Variants in MICU1 observed in about 807,000 individuals in gnomAD.
The protein encoded by MICU1 is mitochondrial calcium uptake 1, also known as calcium uptake protein 1, mitochondrial.
In MICU1, 45 loss-of-function variants were observed where a neutral mutation model predicts 56.8. The ratio of observed to expected loss-of-function variants is 0.79; its 90% CI spans 0.62 to 1.02. The LOEUF is 1.02. Among genes scored for constraint, MICU1 ranks in the 50% least tolerant of loss-of-function variants. MICU1 has a pLI of 0.00. For missense variants in MICU1, 504 were observed against 587.1 expected (o/e 0.86, Z 1.46); for synonymous variants, 186 against 195.1 (o/e 0.95, Z 0.39).
chr10:72,472,215 T>G (rs1444908403), intron 8 of MICU1, among the ~76,000 whole-genome samples: 2 of 152,180 alleles, frequency 1.3e-5, no homozygotes, highest in Non-Finnish European at 2.9e-5. Context: ...AGTACTGTGG[T>G]TATTCTGAAG....
intron 8 of MICU1, among the ~76,000 whole-genome samples, chr10:72,468,151 A>G (rs371914256): frequency 1.3e-5 from 2 of 152,110 alleles, no homozygotes; most frequent in African/African-American, 4.8e-5. Flanking sequence ...TAACAATTTT[A>G]TTGGTTATTT....
intron 11 of MICU1, among the ~76,000 whole-genome samples, chr10:72,369,560 G>GAGAT (rs1285156491): frequency 6.6e-6 from 1 of 152,136 alleles, no homozygotes; most frequent in African/African-American, 2.4e-5. Context: ...CTGTAATGGA[G>GAGAT]AGATGGTGAG....
chr10:72,491,772 A>G (rs1174221008), intron 6 of MICU1, among the ~76,000 whole-genome samples: 2 of 152,208 alleles, frequency 1.3e-5, no homozygotes, highest in African/African-American at 2.4e-5. Flanking sequence ...TTTCTTCATT[A>G]TAAGAATCTA....
At chr10:72,466,578 T>A (rs1024382891) in intron 8 of MICU1, among the ~76,000 whole-genome samples, 1 of 152,214 alleles carries the variant, frequency 6.6e-6, no homozygotes, top group East Asian at 1.9e-4. Flanking sequence ...TATCATTTTG[T>A]TTCTTGGATT....
intron 1 of MICU1, among the ~76,000 whole-genome samples, chr10:72,568,135 G>A (rs1840492439): frequency 6.6e-6 from 1 of 151,982 alleles, no homozygotes; most frequent in Non-Finnish European, 1.5e-5. Flanking sequence ...CTGCTTTGAA[G>A]TTTTTATTAA....
intron 5 of MICU1, chr10:72,531,804 C>T (rs907970802): frequency 5.3e-5 from 8 of 151,196 alleles, no homozygotes; most frequent in Non-Finnish European, 8.8e-5. Flanking sequence ...AAGCGAAAGA[C>T]TTCATACATA....
chr10:72,412,978 C>G (rs1219244112), intron 9 of MICU1, among the ~76,000 whole-genome samples: 2 of 152,080 alleles, frequency 1.3e-5, no homozygotes, highest in Admixed American at 1.3e-4. Flanking sequence ...GGGCAGATCA[C>G]TTGAGCCTGG....
chr10:72,369,606 C>T (rs1035367192), intron 11 of MICU1, among the ~76,000 whole-genome samples: 35 of 151,828 alleles, frequency 2.3e-4, no homozygotes, highest in African/African-American at 8.5e-4. Context: ...CAAACTTTGG[C>T]TTTGGATTGA....
chr10:72,455,948 C>T (rs1035444833), intron 8 of MICU1, among the ~76,000 whole-genome samples: 22 of 152,098 alleles, frequency 1.4e-4, no homozygotes, highest in Non-Finnish European at 2.9e-4. Context: ...GAATATGTAG[C>T]TGGGCACTGG....
chr10:72,566,870 T>A, intron 1 of MICU1, 76 bp from the exon 2 acceptor site: 1 of 1,300,728 alleles, frequency 7.7e-7, no homozygotes, highest in East Asian at 2.5e-5. Flanking sequence ...CTACCAACAT[T>A]TCTAATAAAC....
chr10:72,529,678 G>C lies in MICU1; in HGVS notation c.537+4068C>G, dbSNP rs374473488. On this transcript the variant is annotated intron_variant, in intron 5 of 11. Transcript: ENST00000361114. ...GGGTAAGAGAAAATGGGAAAATAAA[G>C]AAGGCTACAAACCACTTGAAATAAA... Among the ~76,000 whole-genome samples, 9 of 151,958 alleles carry C rather than the reference G, an allele frequency of 5.9e-5. No individual in the cohort carries two copies. In the East Asian group the frequency reaches 1.2e-3, roughly 20 times the overall value.
At chr10:72,370,631 T>C (rs116434800) in intron 11 of MICU1, among the ~76,000 whole-genome samples, 4,373 of 152,226 alleles carry the variant, frequency 0.029, 189 homozygotes, top group African/African-American at 0.1. Flanking sequence ...TGACTGGAGG[T>C]ACCAAGTAGG....
chr10:72,409,161 C>T (rs1440233678), intron 9 of MICU1, among the ~76,000 whole-genome samples: 1 of 152,142 alleles, frequency 6.6e-6, no homozygotes, highest in African/African-American at 2.4e-5. Flanking sequence ...CCTAGATATC[C>T]CAGACACTGA....
chr10:72,428,582 A>T (rs921487313), intron 8 of MICU1, among the ~76,000 whole-genome samples: 1 of 152,152 alleles, frequency 6.6e-6, no homozygotes, highest in African/African-American at 2.4e-5. Context: ...AAGTGCTGGG[A>T]TTACAGGCGT....
rs574806387 is a variant in MICU1, at chr10:72,437,755, C to T, written c.934-14384G>A. On this transcript the variant is annotated intron_variant, in intron 8 of 11. Transcript: ENST00000361114. ...AAAGCAGTGGTTGCAACCCTAGTCT[C>T]TGATAAAACAGACTTTAAACCAACA... is the stretch of plus-strand genomic sequence containing the variant. 7.9e-5 allele frequency among the ~76,000 whole-genome samples: 12 copies of T among 152,206 alleles called. 1 individual carries two copies. The South Asian group carries it at 2.5e-3, about 32-fold the overall frequency.
chr10:72,519,719 G>A (rs1414533), intron 5 of MICU1, among the ~76,000 whole-genome samples: 95,250 of 152,034 alleles, frequency 0.63, 31,350 homozygotes, highest in African/African-American at 0.72. Flanking sequence ...AAATAGGGTT[G>A]GTAATTTTGC....
chr10:72,368,307 C>G lies in MICU1; in HGVS notation c.1319G>C (p.Arg440Pro). The change falls in exon 12 of 12, where the codon CGG becomes CCG. Residue 440 changes from arginine (R) to proline (P), a missense_variant. Arg to Pro is a moderately radical substitution (Grantham distance 103). Transcript: ENST00000361114. ...GGGCTTTTCCAGGCCTCTCATCAGCCGTTGCTTCATGATGGAAACAAATTC... is the reference window on the plus strand; with the variant it reads ...GGGCTTTTCCAGGCCTCTCATCAGCGGTTGCTTCATGATGGAAACAAATTC... ...NKEFVSIMKQ[R>P]LMRGLEKPKD... The G allele has an allele frequency of 6.2e-7, 1 of 1,613,950 alleles. No individual in the cohort carries two copies. The highest frequency in any genetic ancestry group is 8.5e-7 in the Non-Finnish European group (1 of 1,179,864).
Position 72,475,171 on chromosome 10 carries a change from T to C in MICU1, c.862A>G (p.Lys288Glu). Reference protein sequence around the residue: ...LTTYFFGADLKGKLTIKNFLE... With the variant: ...LTTYFFGADLEGKLTIKNFLE... ...AAGTTTTTGATTGTCAGCTTTCCCT[T>C]CAGATCAGCTCCAAAAAAGTAGGTT... The change falls in exon 8 of 12, where the codon AAG becomes GAG. Residue 288 changes from lysine to glutamate, a missense_variant. By Grantham distance (56) the Lys-to-Glu change is moderately conservative (BLOSUM62 1). Coordinates refer to ENST00000361114, the MANE Select transcript of MICU1 (RefSeq NM_001195518.2). 6.2e-7 allele frequency: 1 copy of C among 1,611,314 alleles called. No individual in the cohort carries two copies. The highest frequency in any genetic ancestry group is 1.1e-5 in the South Asian group (1 of 90,388).
intron 6 of MICU1, among the ~76,000 whole-genome samples, chr10:72,485,232 CGTTTT>C (rs5786080): frequency 0.65 from 96,992 of 150,206 alleles, 32,445 homozygotes; most frequent in African/African-American, 0.76. Context: ...TTTAAATAAT[CGTTTT>C]GTTTTGTTTT....
Sources: allele counts gnomAD v4.1 joint callset (sites outside exome capture counted in the v4.1 genomes callset), GRCh38; gene constraint gnomAD v4.1.1; transcripts MANE v1.5; gene names NCBI Gene and HGNC (gene_info 2026-07-23, HGNC 2026-07-21).